The following ZMYM2 variants were observed in gnomAD, a reference collection of about 807,000 sequenced individuals.
ZMYM2 encodes the protein zinc finger MYM-type containing 2.
ZMYM2 carries 56 observed loss-of-function variants against 162.8 expected under a neutral mutation model. The ratio of observed to expected loss-of-function variants is 0.34; its 90% CI spans 0.28 to 0.43. The LOEUF is 0.43. ZMYM2 is among the 20% of genes least tolerant of loss of function. ZMYM2 has a pLI of 1.00. For missense variants in ZMYM2, 1,275 were observed against 1,621.8 expected (o/e 0.79, Z 3.67); for synonymous variants, 510 against 541.6 (o/e 0.94, Z 0.81).
intron 2 of ZMYM2, among the ~76,000 whole-genome samples, chr13:19,983,399 G>A (rs1040245277): frequency 6.6e-6 from 1 of 152,128 alleles, no homozygotes; most frequent in East Asian, 1.9e-4. Context: ...GCCTCCCTCG[G>A]CCTCCCAAAG....
chr13:20,011,844 G>A (rs1022636188), intron 6 of ZMYM2, among the ~76,000 whole-genome samples: 3 of 151,750 alleles, frequency 2.0e-5, no homozygotes, highest in Non-Finnish European at 4.4e-5. Flanking sequence ...CACCTCCCGC[G>A]TTCAAGCAAT....
intron 11 of ZMYM2, 28 bp from the exon 12 acceptor site, chr13:20,036,709 T>TAA: frequency 6.9e-7 from 1 of 1,454,090 alleles, no homozygotes; most frequent in Non-Finnish European, 9.1e-7. Context: ...GTTTTTTTGT[T>TAA]TTAATATATA....
At chr13:19,885,709 A>G in the ZMYM2 span, among the ~76,000 whole-genome samples, 1 of 151,342 alleles carries the variant, frequency 6.6e-6, no homozygotes, top group Non-Finnish European at 1.5e-5. Flanking sequence ...TTAGCTGGAC[A>G]TGTTTTCGCT....
chr13:20,006,133 T>C lies in ZMYM2; in HGVS notation c.1300-241T>C, dbSNP rs1022094352. 4.6e-5 allele frequency among the ~76,000 whole-genome samples: 7 copies of C among 151,874 alleles called. No homozygotes were observed. The South Asian group carries it at 6.2e-4, about 13-fold the overall frequency. On this transcript the variant is annotated intron_variant, in intron 5 of 24. Coordinates refer to ENST00000610343, the MANE Select transcript of ZMYM2 (RefSeq NM_197968.4). ...CTATAGTCTCAGCTACTCGGGAGGCTGAGGTAGGAGGATTGCTTGAGCCCA... is the reference window on the plus strand; with the variant it reads ...CTATAGTCTCAGCTACTCGGGAGGCCGAGGTAGGAGGATTGCTTGAGCCCA...
chr13:20,058,973 C>A, intron 15 of ZMYM2: 1 of 521,840 alleles, frequency 1.9e-6, no homozygotes, highest in Non-Finnish European at 3.5e-6. Flanking sequence ...GGGGATAAGA[C>A]TACTAAAATT....
At chr13:20,011,344 A>G (rs1450725443) in intron 6 of ZMYM2, among the ~76,000 whole-genome samples, 2 of 152,176 alleles carry the variant, frequency 1.3e-5, no homozygotes, top group Non-Finnish European at 2.9e-5. Context: ...TTATACTTAC[A>G]TTCAAACAAT....
chr13:20,005,833 T>C (rs1460825816), intron 5 of ZMYM2, among the ~76,000 whole-genome samples: 1 of 152,208 alleles, frequency 6.6e-6, no homozygotes, highest in Non-Finnish European at 1.5e-5. Flanking sequence ...TTCTGTCATC[T>C]TCTGATACCT....
intron 12 of ZMYM2, among the ~76,000 whole-genome samples, chr13:20,044,265 T>C (rs543729117): frequency 6.6e-6 from 1 of 152,302 alleles, no homozygotes; most frequent in East Asian, 1.9e-4. Context: ...AACTCAAGTG[T>C]CCCTGCTGGC....
intron 2 of ZMYM2, among the ~76,000 whole-genome samples, chr13:19,968,246 A>C (rs1319515499): frequency 6.6e-6 from 1 of 151,902 alleles, no homozygotes; most frequent in East Asian, 1.9e-4. Flanking sequence ...CCCTCGCTAG[A>C]CTTTCCTTTT....
At chr13:19,926,911 G>T in the ZMYM2 span, among the ~76,000 whole-genome samples, 1 of 151,870 alleles carries the variant, frequency 6.6e-6, no homozygotes, top group Admixed American at 6.6e-5. Context: ...CAAGCAATTT[G>T]CCTGCTTCAG....
intron 6 of ZMYM2, among the ~76,000 whole-genome samples, chr13:20,015,441 A>G (rs1951542276): frequency 6.6e-6 from 1 of 152,208 alleles, no homozygotes; most frequent in South Asian, 2.1e-4. Context: ...TGTTGGCAAG[A>G]ATACTCAATA....
intron 2 of ZMYM2, among the ~76,000 whole-genome samples, chr13:19,977,230 A>C (rs143435125): frequency 6.6e-6 from 1 of 152,152 alleles, no homozygotes; most frequent in Non-Finnish European, 1.5e-5. Flanking sequence ...TTTGTTGCCT[A>C]GGTTGGTCTC....
intron 2 of ZMYM2, among the ~76,000 whole-genome samples, chr13:19,961,568 A>AT (rs1169875435): frequency 2.0e-5 from 3 of 151,946 alleles, no homozygotes; most frequent in African/African-American, 2.4e-5. Context: ...TCTTTCTAGG[A>AT]TTTTTTTTCT....
intron 2 of ZMYM2, among the ~76,000 whole-genome samples, chr13:19,985,834 C>T (rs1949087444): frequency 6.6e-6 from 1 of 151,740 alleles, no homozygotes; most frequent in Admixed American, 6.6e-5. Flanking sequence ...TGAGATTGCA[C>T]CACTATACTA....
Position 19,959,632 on chromosome 13 carries a change from T to A in ZMYM2, c.-79-326T>A, listed in dbSNP as rs551633169. 3.3e-5 allele frequency among the ~76,000 whole-genome samples: 5 copies of A among 152,228 alleles called. No individual in the cohort carries two copies. In the South Asian group the frequency reaches 1.0e-3, roughly 32 times the overall value. The stretch of plus-strand genomic sequence containing the variant: ...GGGGATGACGCTGGGTGGGCAAATT[T>A]AGGAGGGAATACAAATCCCTTGCTG... On this transcript the variant is annotated intron_variant, in intron 1 of 24. Coordinates refer to ENST00000610343, the MANE Select transcript of ZMYM2 (RefSeq NM_197968.4).
chr13:19,947,035 T>TTTTA, the ZMYM2 span, among the ~76,000 whole-genome samples: 193 of 151,856 alleles, frequency 1.3e-3, 1 homozygote, highest in Middle Eastern at 0.017. Flanking sequence ...TTATTTTTAT[T>TTTTA]TTTATTTATT....
At chr13:20,030,722 C>CG (rs1299248684) in intron 9 of ZMYM2, among the ~76,000 whole-genome samples, 1 of 151,810 alleles carries the variant, frequency 6.6e-6, no homozygotes, top group Non-Finnish European at 1.5e-5. Context: ...TTAGTAGAGA[C>CG]GGGGTTTTGC....
intron 2 of ZMYM2, among the ~76,000 whole-genome samples, chr13:19,967,116 TC>T (rs1477134118): frequency 1.3e-5 from 2 of 152,348 alleles, no homozygotes; most frequent in East Asian, 3.9e-4. Flanking sequence ...TCAGTCTTCC[TC>T]CTGGACTTAC....
Position 20,086,254 on chromosome 13 carries a change from A to G in ZMYM2, c.*240A>G, listed in dbSNP as rs1958260713. ...TTTTTTTATTATTATTTATTTGATT[A>G]GGTATGTTTGTAACTTTTTACATTA... On this transcript the variant is annotated 3_prime_UTR_variant, in exon 25 of 25. Coordinates refer to ENST00000610343, the MANE Select transcript of ZMYM2 (RefSeq NM_197968.4). 6.2e-6 allele frequency: 2 copies of G among 322,338 alleles called. No homozygotes were observed. The highest frequency in any genetic ancestry group is 1.1e-5 in the Non-Finnish European group (2 of 175,260). 20.0% of individuals were successfully genotyped at this position (322,338 alleles called of 1,614,324 possible). A position where few individuals can be genotyped will look rare whatever the true frequency, so the allele number is the denominator to read the frequency against.
Sources: allele counts gnomAD v4.1 joint callset (sites outside exome capture counted in the v4.1 genomes callset), GRCh38; gene constraint gnomAD v4.1.1; transcripts MANE v1.5; gene names NCBI Gene and HGNC (gene_info 2026-07-23, HGNC 2026-07-21).